The following ADAM23 variants were observed in gnomAD, a reference collection of about 807,000 sequenced individuals.
ADAM23 encodes disintegrin and metalloproteinase domain-containing protein 23.
ADAM23 carries 33 observed loss-of-function variants against 120.1 expected under a neutral mutation model. The observed-to-expected ratio is 0.27, with a 90% CI of 0.21 to 0.37. The LOEUF (loss-of-function observed/expected upper bound fraction) is 0.37. ADAM23 is among the 10% of genes least tolerant of loss of function. ADAM23 has a pLI of 1.00. For synonymous variants in ADAM23, 367 were observed against 375.2 expected (o/e 0.98, Z 0.25); for missense variants, 862 against 1,058.2 (o/e 0.81, Z 2.57).
chr2:206,579,712 C>T (rs961165892), intron 18 of ADAM23, among the ~76,000 whole-genome samples: 1 of 152,040 alleles, frequency 6.6e-6, no homozygotes, highest in Admixed American at 6.6e-5. Flanking sequence ...GCTATGTGGG[C>T]TCTTTTTTGG....
intron 3 of ADAM23, among the ~76,000 whole-genome samples, chr2:206,484,028 G>A (rs181368666): frequency 1.3e-5 from 2 of 152,270 alleles, no homozygotes; most frequent in African/African-American, 2.4e-5. Context: ...GATAAGAGTG[G>A]GAGGTTGAAG....
At chr2:206,572,883 G>A (rs1698032798) in intron 17 of ADAM23, among the ~76,000 whole-genome samples, 1 of 152,140 alleles carries the variant, frequency 6.6e-6, no homozygotes, top group Admixed American at 6.5e-5. Flanking sequence ...GAAACAGTGG[G>A]TTTTGAAATC....
At chr2:206,499,508 G>GA (rs111650516) in intron 3 of ADAM23, among the ~76,000 whole-genome samples, 5 of 128,182 alleles carry the variant, frequency 3.9e-5, no homozygotes, top group African/African-American at 5.8e-5. Context: ...TGGGGGGAGG[G>GA]GGGATAGCAT....
At chr2:206,503,326 A>G (rs1696429766) in intron 3 of ADAM23, among the ~76,000 whole-genome samples, 1 of 152,122 alleles carries the variant, frequency 6.6e-6, no homozygotes, top group Admixed American at 6.6e-5. Flanking sequence ...TACAGTAGAC[A>G]AGAAGGTACT....
intron 3 of ADAM23, among the ~76,000 whole-genome samples, chr2:206,500,133 A>G (rs1696357231): frequency 6.6e-6 from 1 of 152,156 alleles, no homozygotes; most frequent in Non-Finnish European, 1.5e-5. Flanking sequence ...TAAGGCCCAG[A>G]ATATAAGGCT....
chr2:206,476,350 G>GT (rs1479456424), intron 2 of ADAM23, among the ~76,000 whole-genome samples: 1 of 152,142 alleles, frequency 6.6e-6, no homozygotes, highest in Non-Finnish European at 1.5e-5. Context: ...ACCACCTATA[G>GT]TTTAGAGCAG....
intron 13 of ADAM23, among the ~76,000 whole-genome samples, chr2:206,563,635 A>T (rs544247332): frequency 6.6e-6 from 1 of 152,302 alleles, no homozygotes; most frequent in South Asian, 2.1e-4. Context: ...TGCTAGAGTC[A>T]GCTGAGAGGT....
intron 21 of ADAM23, among the ~76,000 whole-genome samples, chr2:206,592,284 C>T (rs979667406): frequency 1.3e-5 from 2 of 152,158 alleles, no homozygotes; most frequent in Non-Finnish European, 2.9e-5. Flanking sequence ...CTCCTCACAT[C>T]TTCACAGCCC....
chr2:206,541,603 A>G (rs949805603), intron 4 of ADAM23, among the ~76,000 whole-genome samples: 1 of 152,194 alleles, frequency 6.6e-6, no homozygotes, highest in African/African-American at 2.4e-5. Flanking sequence ...AACTACATTC[A>G]TATATTGCTT....
chr2:206,596,138 C>T lies in ADAM23; in HGVS notation c.2335C>T (p.Pro779Ser), dbSNP rs1187045419. 4 of 1,613,964 alleles carry T rather than the reference C, an allele frequency of 2.5e-6. No homozygotes were observed. Among genetic ancestry groups the T allele is most frequent in the South Asian group, 2.2e-5 (2 of 91,040 alleles). Residue 779 changes from proline to serine, a missense_variant, in exon 24 of 26, where the codon CCC (proline) becomes TCC (serine). Coordinates refer to ENST00000264377, the MANE Select transcript of ADAM23 (RefSeq NM_003812.4). ...CCGGGATCCAGTTAGGAACCTTCAC[C>T]CCCCCAAGGATGAAGGACCCAAGGG... ...SIRDPVRNLH[P>S]PKDEGPKGPS... is the part of the protein sequence containing the mutation.
At chr2:206,488,041 G>A (rs1696054114) in intron 3 of ADAM23, among the ~76,000 whole-genome samples, 1 of 152,228 alleles carries the variant, frequency 6.6e-6, no homozygotes, top group Non-Finnish European at 1.5e-5. Context: ...CTGATTTAAA[G>A]AAATACATGC....
chr2:206,594,836 A>G lies in ADAM23; in HGVS notation c.2178A>G (p.Leu726=), dbSNP rs1248948177. Residue 726 remains leucine (L), a synonymous_variant, in exon 23 of 26, where the codon CTA becomes CTG. Coordinates refer to ENST00000264377, the MANE Select transcript of ADAM23 (RefSeq NM_003812.4). ...PSMMCLDRKC[L]QIQALNMSSC... Reference sequence around the variant, plus strand: ...TGATGTGTTTAGATCGGAAGTGCCTACAAATTCAAGCCCTAAATATGAGCA... The same window carrying G: ...TGATGTGTTTAGATCGGAAGTGCCTGCAAATTCAAGCCCTAAATATGAGCA... The G allele has an allele frequency of 4.3e-6, 7 of 1,614,058 alleles. No homozygotes were observed. The East Asian group carries it at 6.7e-5, about 15-fold the overall frequency.
chr2:206,509,423 AG>A (rs1355120629), intron 3 of ADAM23, among the ~76,000 whole-genome samples: 1 of 152,020 alleles, frequency 6.6e-6, no homozygotes, highest in Non-Finnish European at 1.5e-5. Flanking sequence ...TTTATTTTTC[AG>A]GGGGAGATTA....
chr2:206,599,137 G>A (rs1034229877), intron 24 of ADAM23, among the ~76,000 whole-genome samples: 53 of 148,660 alleles, frequency 3.6e-4, no homozygotes, highest in African/African-American at 1.2e-3. Flanking sequence ...CCCAGGAGGT[G>A]GAGGTTACAG....
chr2:206,611,448 C>G (rs898941042), intron 25 of ADAM23, among the ~76,000 whole-genome samples: 1 of 151,582 alleles, frequency 6.6e-6, no homozygotes, highest in Non-Finnish European at 1.5e-5. Flanking sequence ...TCTTAGTGTT[C>G]CACTGCTACA....
chr2:206,491,058 C>G (rs1002211651), intron 3 of ADAM23, among the ~76,000 whole-genome samples: 2 of 152,102 alleles, frequency 1.3e-5, no homozygotes, highest in African/African-American at 4.8e-5. Context: ...CACAACCAAA[C>G]CATTGATACT....
At chr2:206,603,932 C>T (rs1698685120) in intron 24 of ADAM23, among the ~76,000 whole-genome samples, 1 of 150,688 alleles carries the variant, frequency 6.6e-6, no homozygotes, top group Admixed American at 6.6e-5. Context: ...TGTATTGCAG[C>T]TCTGAGAACC....
chr2:206,620,317 C>T lies in ADAM23; in HGVS notation c.*2690C>T, dbSNP rs1002785771. 6 of 152,066 alleles carry T rather than the reference C, an allele frequency of 3.9e-5. No homozygotes were observed. The highest frequency in any genetic ancestry group is 4.1e-4 in the South Asian group (2 of 4,822). 9.4% of individuals were successfully genotyped at this position (152,066 alleles called of 1,614,324 possible). Reference sequence around the variant, plus strand: ...TTACACTGGCAATTTCATAGGTAATCGAACCTATGCTCCAATGTTAAATTA... The same window carrying T: ...TTACACTGGCAATTTCATAGGTAATTGAACCTATGCTCCAATGTTAAATTA... On this transcript the variant is annotated 3_prime_UTR_variant, in exon 26 of 26. Coordinates refer to ENST00000264377, the MANE Select transcript of ADAM23 (RefSeq NM_003812.4).
chr2:206,455,863 G>A (rs1034645646), intron 2 of ADAM23, among the ~76,000 whole-genome samples: 1 of 152,116 alleles, frequency 6.6e-6, no homozygotes, highest in East Asian at 1.9e-4. Flanking sequence ...GGACTTTGCT[G>A]TCCATATCAC....
Sources: gnomAD v4.1 joint callset for allele counts (sites outside exome capture counted in the v4.1 genomes callset) on GRCh38, gnomAD v4.1.1 for gene constraint, MANE v1.5 for transcripts, NCBI Gene and HGNC (gene_info 2026-07-23, HGNC 2026-07-21) for gene names.